CTBP2: variants seen among roughly 807,000 people sequenced by gnomAD.
CTBP2 encodes C-terminal binding protein 2, also known as C-terminal-binding protein 2.
A neutral mutation model predicts 80.3 loss-of-function variants in CTBP2; 30 were observed. The observed-to-expected ratio is 0.37, with a 90% confidence interval of 0.28 to 0.51. The LOEUF (loss-of-function observed/expected upper bound fraction) is 0.51, where lower values mean the gene tolerates loss of function less well. CTBP2 is among the 20% of genes least tolerant of loss of function. The probability of loss-of-function intolerance (pLI) is 0.93; values close to 1 mark genes in which losing one functional copy is unlikely to be tolerated. For synonymous variants in CTBP2, 594 were observed against 587.4 expected (o/e 1.01, Z -0.16); for missense variants, 1,212 against 1,375.3 (o/e 0.88, Z 1.88).
intron 2 of CTBP2, among the ~76,000 whole-genome samples, chr10:125,057,098 G>A (rs1451652515): frequency 6.6e-6 from 1 of 152,248 alleles, no homozygotes; most frequent in African/African-American, 2.4e-5. Context: ...GAGGGAGACA[G>A]CAAGGCCAGA....
intron 2 of CTBP2, among the ~76,000 whole-genome samples, chr10:125,084,499 G>A (rs983939445): frequency 2.0e-5 from 3 of 152,124 alleles, no homozygotes; most frequent in South Asian, 2.1e-4. Context: ...GGAGGCTCCC[G>A]CCCAAACCTT....
intron 2 of CTBP2, among the ~76,000 whole-genome samples, chr10:125,108,532 ACCT>A (rs1851803508): frequency 6.6e-6 from 1 of 152,062 alleles, no homozygotes; most frequent in African/African-American, 2.4e-5. Flanking sequence ...ATCCCACATG[ACCT>A]CCTTGTGTTG....
At chr10:125,001,702 C>T (rs1954530789) in intron 3 of CTBP2, among the ~76,000 whole-genome samples, 1 of 152,194 alleles carries the variant, frequency 6.6e-6, no homozygotes, top group Admixed American at 6.5e-5. Context: ...CCCACTGCGT[C>T]CTGACCCCTG....
At position 125,052,110 on chromosome 10, in the gene CTBP2, G is replaced by A. The variant is rs74571892; in HGVS notation, c.-101-12955C>T. Among the ~76,000 whole-genome samples the A allele has an allele frequency of 6.4e-3, 978 of 152,254 alleles. 6 individuals carry two copies. The highest frequency in any genetic ancestry group is 0.022 in the African/African-American group (930 of 41,518). On this transcript the variant is annotated intron_variant, in intron 2 of 10. Coordinates refer to the CTBP2 transcript ENST00000337195. ...ACACATGCCAACAGACGGGAGGCTCGCACCTATCGGTGGGGGTCTGCGCTG... is the reference window on the plus strand; with the variant it reads ...ACACATGCCAACAGACGGGAGGCTCACACCTATCGGTGGGGGTCTGCGCTG...
chr10:125,093,555 A>G (rs1434111107), intron 2 of CTBP2, among the ~76,000 whole-genome samples: 1 of 152,114 alleles, frequency 6.6e-6, no homozygotes, highest in Non-Finnish European at 1.5e-5. Context: ...TGTTTACCAC[A>G]CTTGAATTTA....
intron 3 of CTBP2, among the ~76,000 whole-genome samples, chr10:125,033,467 C>T (rs1590213974): frequency 6.6e-6 from 1 of 152,180 alleles, no homozygotes; most frequent in East Asian, 1.9e-4. Context: ...AGCTTTAACA[C>T]TGTACGTTCT....
intron 1 of CTBP2, among the ~76,000 whole-genome samples, chr10:125,141,546 C>T (rs1003445034): frequency 2.0e-5 from 3 of 152,200 alleles, no homozygotes; most frequent in East Asian, 1.9e-4. Flanking sequence ...GACCTGAGGG[C>T]GCTCAACCAC....
In CTBP2 at chr10:125,026,874, A is replaced by G; in HGVS notation, c.886T>C (p.Phe296Leu). Residue 296 changes from phenylalanine (F) to leucine (L), a missense_variant, in exon 1 of 9, where the codon TTT (phenylalanine) becomes CTT (leucine). Coordinates refer to ENST00000309035, the MANE Select transcript of CTBP2 (RefSeq NM_022802.3). ...TCTGCCAGCCCCTCCGCCCGCAGAA[A>G]GGCCAGGAACTCAGGGAGCACGGTC... 1.9e-6 allele frequency: 3 copies of G among 1,613,850 alleles called. No individual in the cohort carries two copies. Among genetic ancestry groups the G allele is most frequent in the Non-Finnish European group, 1.7e-6 (2 of 1,180,004 alleles).
intron 2 of CTBP2, among the ~76,000 whole-genome samples, chr10:125,065,423 G>A (rs1359652242): frequency 6.6e-6 from 1 of 152,158 alleles, no homozygotes; most frequent in Non-Finnish European, 1.5e-5. Flanking sequence ...ATACCTGACT[G>A]TCAACTTCAG....
intron 1 of CTBP2, chr10:125,005,904 G>A: frequency 6.6e-7 from 1 of 1,516,516 alleles, no homozygotes; most frequent in Non-Finnish European, 8.8e-7. Flanking sequence ...CTGATTATAA[G>A]AAATCCAAGC....
At chr10:125,131,193 G>A (rs1175287245) in intron 1 of CTBP2, among the ~76,000 whole-genome samples, 4 of 152,178 alleles carry the variant, frequency 2.6e-5, no homozygotes, top group South Asian at 2.1e-4. Flanking sequence ...TTTCCACTGC[G>A]GGATTCAGAA....
At chr10:125,031,876 C>G (rs76798703), upstream of CTBP2, among the ~76,000 whole-genome samples, 9,990 of 152,248 alleles carry the variant, frequency 0.066, 379 homozygotes, top group African/African-American at 0.09. Context: ...ACCAACCCAG[C>G]CTTTTTCAGA....
chr10:125,014,993 T>C (rs1440901029), intron 1 of CTBP2, among the ~76,000 whole-genome samples: 1 of 152,212 alleles, frequency 6.6e-6, no homozygotes, highest in Non-Finnish European at 1.5e-5. Flanking sequence ...GCAGTTTTCC[T>C]AGAAGATACT....
intron 2 of CTBP2, among the ~76,000 whole-genome samples, chr10:125,105,601 G>A (rs529406668): frequency 1.3e-5 from 2 of 152,214 alleles, no homozygotes; most frequent in East Asian, 1.9e-4. Context: ...GAACCTGGCA[G>A]ATCCCTCAAG....
At chr10:125,116,636 T>C (rs1472923895) in intron 1 of CTBP2, among the ~76,000 whole-genome samples, 1 of 152,160 alleles carries the variant, frequency 6.6e-6, no homozygotes, top group African/African-American at 2.4e-5. Context: ...TCTCCTAGCC[T>C]GACACTCCCT....
At chr10:125,070,302 G>C (rs887720260) in intron 2 of CTBP2, among the ~76,000 whole-genome samples, 2 of 152,184 alleles carry the variant, frequency 1.3e-5, no homozygotes, top group Non-Finnish European at 2.9e-5. Flanking sequence ...AGTGAGCCGA[G>C]ATCGTGCCAC....
intron 2 of CTBP2, among the ~76,000 whole-genome samples, chr10:125,068,324 A>G (rs1246671271): frequency 2.0e-5 from 3 of 152,246 alleles, no homozygotes; most frequent in Non-Finnish European, 4.4e-5. Context: ...CATCTACATT[A>G]AAGAATTCAA....
chr10:125,018,999 G>T lies in CTBP2; in HGVS notation c.1678+7083C>A, dbSNP rs533028441. On this transcript the variant is annotated intron_variant, in intron 1 of 8. Coordinates refer to ENST00000309035, the MANE Select transcript of CTBP2 (RefSeq NM_022802.3). ...CCGCCCACTCTGTCAGTGGGGACGG[G>T]TGTTTCTAGGTTGGATTTTTTGCTC... 3.3e-5 allele frequency among the ~76,000 whole-genome samples: 5 copies of T among 152,338 alleles called. No individual in the cohort carries two copies. The East Asian group carries it at 9.6e-4, about 29-fold the overall frequency.
At chr10:125,097,631 T>G (rs1849732326) in intron 2 of CTBP2, among the ~76,000 whole-genome samples, 2 of 152,058 alleles carry the variant, frequency 1.3e-5, no homozygotes, top group African/African-American at 4.8e-5. Flanking sequence ...TTTGTACACG[T>G]GTGCATATCA....
Sources: gnomAD v4.1 joint callset for allele counts (sites outside exome capture counted in the v4.1 genomes callset) on GRCh38, gnomAD v4.1.1 for gene constraint, MANE v1.5 for transcripts, NCBI Gene and HGNC (gene_info 2026-07-23, HGNC 2026-07-21) for gene names.